Variants in TASOR2 observed in about 807,000 individuals in gnomAD.
TASOR2 encodes transcription activation suppressor family member 2.
TASOR2 carries 84 observed loss-of-function variants against 199.5 expected under a neutral mutation model. That is an observed-to-expected ratio of 0.42 (90% confidence interval 0.35 to 0.50). The LOEUF (loss-of-function observed/expected upper bound fraction) is 0.50. Among genes scored for constraint, TASOR2 ranks in the 20% least tolerant of loss-of-function variants. The probability of loss-of-function intolerance (pLI) is 0.02; values close to 1 mark genes in which losing one functional copy is unlikely to be tolerated. For synonymous variants in TASOR2, 1,103 were observed against 1,046.6 expected (o/e 1.05, Z -1.04); for missense variants, 2,796 against 2,835.9 (o/e 0.99, Z 0.32).
rs187014725 is a variant in TASOR2 at position 5,690,175 on chromosome 10, A to C, written c.-288+5000A>C. Among the ~76,000 whole-genome samples, 8 of 152,260 alleles carry C rather than the reference A, an allele frequency of 5.3e-5. No homozygotes were observed. Among genetic ancestry groups the C allele is most frequent in the African/African-American group, 1.4e-4 (6 of 41,558 alleles). ...AGATTACCTACTTTATTATTACTCT[A>C]CAAATAACCAGCTTTTGCTTTTATT... On this transcript the variant is annotated intron_variant, in intron 1 of 20. Coordinates refer to ENST00000328090, the Ensembl canonical transcript of TASOR2. This position sits in a 1 kb window ranked among gnomAD's most constrained non-coding sequence, Gnocchi z 4.8.
intron 1 of TASOR2, among the ~76,000 whole-genome samples, chr10:5,709,134 A>G (rs1198910598): frequency 2.6e-5 from 4 of 152,180 alleles, no homozygotes; most frequent in South Asian, 4.1e-4. Flanking sequence ...TTTAATGAAT[A>G]TATATACAAC....
intron 14 of TASOR2, 40 bp from the exon 16 acceptor site, chr10:5,746,139 T>C (rs367968963): frequency 1.4e-6 from 2 of 1,479,954 alleles, no homozygotes; most frequent in African/African-American, 3.1e-5. Context: ...AAACATTTTA[T>C]ATGACTGATT....
rs1160803214 is a variant in TASOR2 at position 5,748,875 on chromosome 10, GA to G, written c.5456del (p.Asn1819IlefsTer14). 1 of 1,614,174 alleles carries G rather than the reference GA, an allele frequency of 6.2e-7. No individual in the cohort carries two copies. Among genetic ancestry groups the G allele is most frequent in the Non-Finnish European group, 8.5e-7 (1 of 1,180,026 alleles). On this transcript the variant is annotated frameshift_variant, in exon 15 of 21. Coordinates refer to ENST00000328090, the Ensembl canonical transcript of TASOR2. LOFTEE classifies it high-confidence loss of function. This position sits in a 1 kb window ranked among gnomAD's most constrained non-coding sequence, Gnocchi z 5.1. ...TAGGCAGAGATGGAGAGGTCGGTGT[GA>G]ATTCCGACATGCACTATGAACTCTC...
chr10:5,707,726 T>TCACACACACA (rs5782856), intron 1 of TASOR2, among the ~76,000 whole-genome samples: 4 of 129,112 alleles, frequency 3.1e-5, no homozygotes, highest in African/African-American at 1.3e-4. Flanking sequence ...TCACTCATTT[T>TCACACACACA]CACACACACA....
In TASOR2 at chr10:5,748,436, G is replaced by A; in HGVS notation, c.5015G>A (p.Arg1672Lys). 6.2e-7 allele frequency: 1 copy of A among 1,614,202 alleles called. No homozygotes were observed. Residue 1672 changes from arginine (R) to lysine (K), a missense_variant, in exon 15 of 21, where the codon AGA becomes AAA. By Grantham distance (26) the Arg-to-Lys change is conservative. Transcript: ENST00000328090. The surrounding 1 kb of genome is among the most constrained non-coding windows in gnomAD (Gnocchi z 5.1). The stretch of plus-strand genomic sequence containing the variant: ...AATGCTACATTAACCCATTATGTAA[G>A]ACCAATAAATGCAGAGCCAGTGTTT...
intron 1 of TASOR2, among the ~76,000 whole-genome samples, chr10:5,707,144 A>C (rs1838737155): frequency 6.6e-6 from 1 of 152,222 alleles, no homozygotes; most frequent in Non-Finnish European, 1.5e-5. Context: ...ATCTGATGCC[A>C]GTGCACCATG....
exon 15 of TASOR2, chr10:5,747,259 T>A: frequency 6.2e-7 from 1 of 1,614,172 alleles, no homozygotes; most frequent in Non-Finnish European, 8.5e-7. Context: ...AGAGGAAGAT[T>A]CTGACATTGA....
chr10:5,747,640 C>T, exon 15 of TASOR2: 1 of 1,614,206 alleles, frequency 6.2e-7, no homozygotes, highest in Non-Finnish European at 8.5e-7. Context: ...TAGTCCTGAA[C>T]CTCCAGTACC....
chr10:5,709,205 A>G (rs1831604738), intron 1 of TASOR2, among the ~76,000 whole-genome samples: 1 of 152,108 alleles, frequency 6.6e-6, no homozygotes, highest in Admixed American at 6.5e-5. Context: ...GTTATTTTCA[A>G]CTAGTGGAAT....
Position 5,740,367 on chromosome 10 carries a change from T to A in TASOR2, c.2197T>A (p.Ser733Thr). ...TGCCCGTGTGAAAAAATCTTCTTGCTCTCGTATAGTGCTTAGCTGTGATGA... is the reference window on the plus strand; with the variant it reads ...TGCCCGTGTGAAAAAATCTTCTTGCACTCGTATAGTGCTTAGCTGTGATGA... The change falls in exon 13 of 21, where the codon TCT (serine) becomes ACT (threonine). Residue 733 changes from serine (S) to threonine (T), a missense_variant. Physicochemically the swap from Ser to Thr is moderately conservative, Grantham distance 58. Transcript: ENST00000328090. This position sits in a 1 kb window ranked among gnomAD's most constrained non-coding sequence, Gnocchi z 5.3. 6.2e-7 allele frequency: 1 copy of A among 1,614,202 alleles called. No individual in the cohort carries two copies. Among genetic ancestry groups the A allele is most frequent in the Non-Finnish European group, 8.5e-7 (1 of 1,180,030 alleles).
exon 8 of TASOR2, chr10:5,724,477 A>C (rs373569620): frequency 1.9e-6 from 3 of 1,540,690 alleles, no homozygotes; most frequent in Non-Finnish European, 2.6e-6. Context: ...AGAACTGTCA[A>C]ACAGACAAGG....
chr10:5,697,214 T>C lies in TASOR2; in HGVS notation c.-288+12039T>C, dbSNP rs181414149. Among the ~76,000 whole-genome samples the C allele has an allele frequency of 2.0e-5, 3 of 152,358 alleles. No homozygotes were observed. The East Asian group carries it at 5.8e-4, about 29-fold the overall frequency. On this transcript the variant is annotated intron_variant, in intron 1 of 20. Transcript: ENST00000328090. ...AGACCAGATTGATTTTCTTCCTACT[T>C]CTGAAAAGAAGAATGGGGGCAGAGA... is the stretch of plus-strand genomic sequence containing the variant.
chr10:5,746,227 G>C (rs1462476092), exon 15 of TASOR2: 1 of 1,608,262 alleles, frequency 6.2e-7, no homozygotes, highest in Admixed American at 1.7e-5. Context: ...TTCTAATCTT[G>C]TGCTTTCGGG....
Position 5,740,487 on chromosome 10 carries a change from G to T in TASOR2, c.2317G>T (p.Ala773Ser). The T allele has an allele frequency of 6.2e-7, 1 of 1,611,084 alleles. No individual in the cohort carries two copies. Among genetic ancestry groups the T allele is most frequent in the Non-Finnish European group, 8.5e-7 (1 of 1,179,878 alleles). Residue 773 changes from alanine to serine, a missense_variant, in exon 13 of 21, where the codon GCA becomes TCA. By Grantham distance (99) the Ala-to-Ser change is moderately conservative. Transcript: ENST00000328090. The surrounding 1 kb of genome is among the most constrained non-coding windows in gnomAD (Gnocchi z 5.3). ...CCCACTGGAGAAAACTGTAGTAAGA[G>T]CATTACATGGGTGAGTATGAGTGAA...
intron 1 of TASOR2, 73 bp from the exon 2 acceptor site, chr10:5,712,750 T>C (rs550371522): frequency 1.2e-6 from 1 of 819,978 alleles, no homozygotes; most frequent in South Asian, 6.4e-5. Context: ...ATTCAAATGA[T>C]GCATTTTTAA....
intron 1 of TASOR2, among the ~76,000 whole-genome samples, chr10:5,693,520 C>T (rs1836751393): frequency 6.6e-6 from 1 of 152,086 alleles, no homozygotes; most frequent in South Asian, 2.1e-4. Flanking sequence ...TTTTCTGGGT[C>T]TCTGTTTTGA....
At chr10:5,693,644 C>T (rs1418821718) in intron 1 of TASOR2, among the ~76,000 whole-genome samples, 1 of 152,176 alleles carries the variant, frequency 6.6e-6, no homozygotes, top group Non-Finnish European at 1.5e-5. Context: ...GGGGGGAACC[C>T]CCACAAAACC....
intron 1 of TASOR2, among the ~76,000 whole-genome samples, chr10:5,702,959 A>C (rs993456623): frequency 2.0e-5 from 3 of 152,194 alleles, no homozygotes; most frequent in Admixed American, 1.3e-4. Flanking sequence ...GAGGAACTAC[A>C]TGTCAGCTAC....
At position 5,730,544 on chromosome 10, in the gene TASOR2, C is replaced by T; in HGVS notation, c.545C>T (p.Ser182Phe). 1 of 1,613,182 alleles carries T rather than the reference C, an allele frequency of 6.2e-7. No homozygotes were observed. Among genetic ancestry groups the T allele is most frequent in the Non-Finnish European group, 8.5e-7 (1 of 1,179,726 alleles). ...TCAATGAAGGTGATACCTATTTTAT[C>T]TACCCTTAATTGTGCCCTGCTAGAA... Residue 182 changes from serine to phenylalanine, a missense_variant, in exon 11 of 21, where the codon TCT (serine) becomes TTT (phenylalanine). Physicochemically the swap from Ser to Phe is radical, Grantham distance 155 (BLOSUM62 -2). Coordinates refer to ENST00000328090, the Ensembl canonical transcript of TASOR2. The surrounding 1 kb of genome is among the most constrained non-coding windows in gnomAD (Gnocchi z 4.1).
Sources: allele counts gnomAD v4.1 joint callset (sites outside exome capture counted in the v4.1 genomes callset), GRCh38; gene constraint gnomAD v4.1.1; non-coding constraint Gnocchi (gnomAD v3.1); transcripts MANE v1.5; gene names NCBI Gene and HGNC (gene_info 2026-07-23, HGNC 2026-07-21).